SCFD1: variants seen among roughly 807,000 people sequenced by gnomAD.
The protein encoded by SCFD1 is sec1 family domain containing 1, also known as sec1 family domain-containing protein 1.
SCFD1 carries 37 observed loss-of-function variants against 103.2 expected under a neutral mutation model. That is an observed-to-expected ratio of 0.36 (90% CI 0.28 to 0.47). The LOEUF (loss-of-function observed/expected upper bound fraction) is 0.47, where lower values mean the gene tolerates loss of function less well. Ranked by LOEUF, SCFD1 falls within the 20% of genes least tolerant of loss-of-function variation. The probability of loss-of-function intolerance (pLI) is 1.00; values close to 1 mark genes in which losing one functional copy is unlikely to be tolerated. For synonymous variants in SCFD1, 264 were observed against 245.0 expected, an observed-to-expected ratio of 1.08 and a Z score of -0.73; for missense variants, 639 against 761.2, an observed-to-expected ratio of 0.84 and a Z score of 1.89.
chr14:30,646,266 C>A (rs1885818013), intron 7 of SCFD1, among the ~76,000 whole-genome samples: 1 of 152,188 alleles, frequency 6.6e-6, no homozygotes, highest in Admixed American at 6.5e-5. Context: ...CGTGATCCAC[C>A]TGCCTCGGCC....
At chr14:30,730,766 G>A (rs570914591) in intron 23 of SCFD1, among the ~76,000 whole-genome samples, 1 of 152,280 alleles carries the variant, frequency 6.6e-6, no homozygotes, top group Non-Finnish European at 1.5e-5. Flanking sequence ...TGTCAGATGA[G>A]TAGATTGCAA....
Position 30,650,427 on chromosome 14 carries a change from A to G in SCFD1, c.670-138A>G, listed in dbSNP as rs1229766712. 4 of 637,362 alleles carry G rather than the reference A, an allele frequency of 6.3e-6. No individual in the cohort carries two copies. The African/African-American group carries it at 7.4e-5, about 12-fold the overall frequency. 39.5% of individuals were successfully genotyped at this position (637,362 alleles called of 1,614,324 possible). On this transcript the variant is annotated intron_variant, in intron 8 of 24. Transcript: ENST00000458591. ...GATATGGAAGTGGTAAGACGGAGCT[A>G]AAATATTTAGATATTAGATTTGCTA...
intron 17 of SCFD1, among the ~76,000 whole-genome samples, chr14:30,704,297 C>A (rs1211868097): frequency 6.6e-6 from 1 of 152,000 alleles, no homozygotes; most frequent in Non-Finnish European, 1.5e-5. Context: ...TTTCAGCCTC[C>A]TTAGTAGCTA....
In SCFD1 at chr14:30,670,637, A is replaced by G. The variant is rs1348951244; in HGVS notation, c.995+242A>G. Among the ~76,000 whole-genome samples, 11 of 152,122 alleles carry G rather than the reference A, an allele frequency of 7.2e-5. No homozygotes were observed. In the East Asian group the frequency reaches 2.1e-3, roughly 29 times the overall value. On this transcript the variant is annotated intron_variant, in intron 11 of 24. Coordinates refer to ENST00000458591, the MANE Select transcript of SCFD1 (RefSeq NM_016106.4). ...CTTCTCCTTTCAATGAGATCATCCT[A>G]TACAGATAGTCTTTTTCAATTTTGT...
chr14:30,681,970 T>C (rs1889522643), intron 14 of SCFD1, among the ~76,000 whole-genome samples: 1 of 152,212 alleles, frequency 6.6e-6, no homozygotes, highest in Non-Finnish European at 1.5e-5. Context: ...TCCCTGTATA[T>C]GTCCTGTTCT....
chr14:30,675,081 T>TC lies in SCFD1; in HGVS notation c.1242+23dup, dbSNP rs769949872. The TC allele has an allele frequency of 3.6e-5, 52 of 1,424,776 alleles. No homozygotes were observed. Among genetic ancestry groups the TC allele is most frequent in the African/African-American group, 2.2e-4 (15 of 69,448 alleles). 88.3% of individuals were successfully genotyped at this position (1,424,776 alleles called of 1,614,324 possible). A position where few individuals can be genotyped will look rare whatever the true frequency, so the allele number is the denominator to read the frequency against. ...ACATATAAAGGTAAATTTAACTTTTTCCCCCCCACAATATGACTTGCATTT... is the reference window on the plus strand; with the variant it reads ...ACATATAAAGGTAAATTTAACTTTTTCCCCCCCCACAATATGACTTGCATTT... On this transcript the variant is annotated intron_variant, in intron 14 of 24. Coordinates refer to ENST00000458591, the MANE Select transcript of SCFD1 (RefSeq NM_016106.4).
In SCFD1 at chr14:30,712,758, T is replaced by C. The variant is rs1891975170; in HGVS notation, c.1630-3166T>C. On this transcript the variant is annotated intron_variant, in intron 19 of 24. Coordinates refer to ENST00000458591, the MANE Select transcript of SCFD1 (RefSeq NM_016106.4). The stretch of plus-strand genomic sequence containing the variant: ...TGTGTATAGGACTCTGTCTCTCAAA[T>C]CTATATCTATAATGGCTTTCTAATA... Among the ~76,000 whole-genome samples, 3 of 152,294 alleles carry C rather than the reference T, an allele frequency of 2.0e-5. No individual in the cohort carries two copies. The South Asian group carries it at 6.2e-4, about 32-fold the overall frequency.
At chr14:30,702,208 G>C (rs969099808) in intron 16 of SCFD1, 88 bp from the exon 17 acceptor site, 11 of 853,844 alleles carry the variant, frequency 1.3e-5, no homozygotes, top group Non-Finnish European at 2.0e-5. Flanking sequence ...CATGCCTTTG[G>C]TCTTACTTTT....
At chr14:30,651,141 A>T (rs1055022044) in intron 9 of SCFD1, among the ~76,000 whole-genome samples, 5 of 152,162 alleles carry the variant, frequency 3.3e-5, no homozygotes, top group Non-Finnish European at 7.4e-5. Flanking sequence ...CCTATACATT[A>T]TAGTATATTT....
At chr14:30,650,512 T>G (rs1368649900) in intron 8 of SCFD1, 53 bp from the exon 9 acceptor site, 2 of 1,024,002 alleles carry the variant, frequency 2.0e-6, no homozygotes, top group Non-Finnish European at 3.0e-6. Flanking sequence ...TGAATTAACC[T>G]CCATAAAGTT....
At chr14:30,712,580 C>G (rs766532189) in intron 19 of SCFD1, among the ~76,000 whole-genome samples, 1 of 151,902 alleles carries the variant, frequency 6.6e-6, no homozygotes, top group Non-Finnish European at 1.5e-5. Context: ...ATTGTTTTTA[C>G]CTAAGCTTTT....
At chr14:30,654,314 AGGAC>A (rs1886686870) in intron 10 of SCFD1, among the ~76,000 whole-genome samples, 1 of 152,250 alleles carries the variant, frequency 6.6e-6, no homozygotes, top group Admixed American at 6.5e-5. Context: ...CTCCTAGCTC[AGGAC>A]TCTAGGGATT....
chr14:30,712,768 TA>T (rs563344216), intron 19 of SCFD1, among the ~76,000 whole-genome samples: 358 of 152,338 alleles, frequency 2.4e-3, no homozygotes, highest in Non-Finnish European at 2.8e-3. Flanking sequence ...TCTATATCTA[TA>T]ATGGCTTTCT....
chr14:30,671,362 C>T (rs1361287376), intron 11 of SCFD1, among the ~76,000 whole-genome samples: 1 of 152,070 alleles, frequency 6.6e-6, no homozygotes. Flanking sequence ...AAATAATACT[C>T]TTCCCTTTGG....
intron 10 of SCFD1, among the ~76,000 whole-genome samples, chr14:30,657,916 CTG>C (rs907148255): frequency 2.0e-5 from 3 of 151,938 alleles, no homozygotes; most frequent in African/African-American, 7.3e-5. Flanking sequence ...CAGCTTCCCT[CTG>C]TGTCAGAAAG....
chr14:30,716,125 C>CT, intron 20 of SCFD1, 148 bp downstream of exon 20: 1 of 619,098 alleles, frequency 1.6e-6, no homozygotes, highest in Non-Finnish European at 2.8e-6. Context: ...CTCAAGAAGC[C>CT]TTTTTTAGCC....
rs547441102 is a variant in SCFD1 at position 30,679,469 on chromosome 14, A to G, written c.1242+4404A>G. 2.6e-5 allele frequency among the ~76,000 whole-genome samples: 4 copies of G among 152,262 alleles called. No individual in the cohort carries two copies. In the East Asian group the frequency reaches 7.7e-4, roughly 29 times the overall value. ...GAAATTGCTTTGCAATGTCTCTAAAATTTTTTATTCCACTCCCAAAGAACT... is the reference window on the plus strand; with the variant it reads ...GAAATTGCTTTGCAATGTCTCTAAAGTTTTTTATTCCACTCCCAAAGAACT... On this transcript the variant is annotated intron_variant, in intron 14 of 24. Coordinates refer to ENST00000458591, the MANE Select transcript of SCFD1 (RefSeq NM_016106.4).
At chr14:30,707,825 C>A (rs757484808) in intron 18 of SCFD1, 165 bp from the exon 19 acceptor site, 48 of 700,350 alleles carry the variant, frequency 6.9e-5, no homozygotes, top group Middle Eastern at 4.7e-4. Context: ...AGCTGTGATA[C>A]CCATGGCAGC....
At chr14:30,727,016 G>A (rs1368618346) in intron 23 of SCFD1, among the ~76,000 whole-genome samples, 1 of 152,122 alleles carries the variant, frequency 6.6e-6, no homozygotes, top group Non-Finnish European at 1.5e-5. Context: ...GCGGGCGAGG[G>A]AAGACAAAAG....
Sources: allele counts gnomAD v4.1 joint callset (sites outside exome capture counted in the v4.1 genomes callset), GRCh38; gene constraint gnomAD v4.1.1; transcripts MANE v1.5; gene names NCBI Gene and HGNC (gene_info 2026-07-23, HGNC 2026-07-21).